The following FMR1 variants were observed in gnomAD, a reference collection of about 807,000 sequenced individuals.
The protein encoded by FMR1 is fragile X messenger ribonucleoprotein 1, also known as FMRP translational regulator 1.
FMR1 carries 13 observed loss-of-function variants against 50.6 expected under a neutral mutation model. The observed-to-expected ratio is 0.26, with a 90% CI of 0.17 to 0.41. FMR1 has a LOEUF of 0.41. Among genes scored for constraint, FMR1 ranks in the 10% least tolerant of loss-of-function variants. The probability of loss-of-function intolerance (pLI) is 1.00; values close to 1 mark genes in which losing one functional copy is unlikely to be tolerated. For synonymous variants in FMR1, 138 were observed against 164.1 expected, an observed-to-expected ratio of 0.84 and a Z score of 1.22; for missense variants, 316 against 491.3, an observed-to-expected ratio of 0.64 and a Z score of 3.37.
At position 147,912,148 on chromosome X, in the gene FMR1, G is replaced by A; in HGVS notation, c.-32G>A. 9.3e-7 allele frequency: 1 copy of A among 1,077,497 alleles called. No homozygotes were observed. Among genetic ancestry groups the A allele is most frequent in the Non-Finnish European group, 1.2e-6 (1 of 823,555 alleles). 88.8% of individuals were successfully genotyped at this position (1,077,497 alleles called of 1,213,427 possible). On this transcript the variant is annotated 5_prime_UTR_variant, in exon 1 of 17. Transcript: ENST00000370475. The stretch of plus-strand genomic sequence containing the variant: ...CGCCCGCAGCCCACCTCTCGGGGGC[G>A]GGCTCCCGGCGCTAGCAGGGCTGAA...
chrX:147,931,725 T>A lies in FMR1; in HGVS notation c.631-700T>A, dbSNP rs782683523. ...TTCGTCATCACTGGATATTTACAAG[T>A]GCTCATCATAATTGTGGATCCAGAT... On this transcript the variant is annotated intron_variant, in intron 7 of 16. Transcript: ENST00000370475. Among the ~76,000 whole-genome samples, 444 of 112,213 alleles carry A rather than the reference T, an allele frequency of 4.0e-3. 1 individual carries two copies. The highest frequency in any genetic ancestry group is 0.014 in the African/African-American group (435 of 30,953).
intron 10 of FMR1, among the ~76,000 whole-genome samples, chrX:147,937,099 C>A (rs1183700049): frequency 9.0e-6 from 1 of 111,245 alleles, no homozygotes; most frequent in Non-Finnish European, 1.9e-5. Flanking sequence ...CCCCATCCTC[C>A]TTACCTTTAA....
At chrX:147,940,530 A>G (rs200602925) in intron 12 of FMR1, 46 bp from the exon 13 acceptor site, 1 of 831,908 alleles carries the variant, frequency 1.2e-6, no homozygotes, top group African/African-American at 2.0e-5. Flanking sequence ...TTTCAGATTA[A>G]TCTATCATTA....
intron 3 of FMR1, among the ~76,000 whole-genome samples, chrX:147,926,918 A>T (rs1236173181): frequency 2.7e-5 from 3 of 111,972 alleles, no homozygotes; most frequent in African/African-American, 9.7e-5. Context: ...TTAAAGAAAA[A>T]AAAAGGGAGA....
chrX:147,924,565 G>A (rs1336730572), intron 2 of FMR1, among the ~76,000 whole-genome samples: 3 of 103,339 alleles, frequency 2.9e-5, no homozygotes, highest in African/African-American at 1.1e-4. Flanking sequence ...AGGCTGGAGT[G>A]CAGTGGCATG....
intron 1 of FMR1, among the ~76,000 whole-genome samples, chrX:147,916,296 T>G (rs782755140): frequency 1.8e-5 from 2 of 112,440 alleles, no homozygotes; most frequent in South Asian, 7.3e-4. Flanking sequence ...TTGGTCAGAG[T>G]GAAGCTAAAT....
chrX:147,949,867 A>G lies in FMR1; in HGVS notation c.*1023A>G, dbSNP rs1471476513. The G allele has an allele frequency of 3.1e-6, 1 of 325,361 alleles. No homozygotes were observed. Among genetic ancestry groups the G allele is most frequent in the Non-Finnish European group, 5.9e-6 (1 of 169,078 alleles). The allele number at this position is 325,361 out of a possible 1,213,427, so 26.8% of individuals were successfully genotyped here. On this transcript the variant is annotated 3_prime_UTR_variant, in exon 17 of 17. Transcript: ENST00000370475. ...TCAAGCTTATTTTGGAGAGATAGGA[A>G]GGTCATTTCCATGTATGCATAATAA...
At chrX:147,926,232 T>A (rs1557177528) in intron 3 of FMR1, among the ~76,000 whole-genome samples, 1 of 112,010 alleles carries the variant, frequency 8.9e-6, no homozygotes. Flanking sequence ...TCTTTCTCCA[T>A]TAGAAATTGG....
chrX:147,930,272 T>TA, intron 7 of FMR1, 28 bp downstream of exon 7: 1 of 877,639 alleles, frequency 1.1e-6, no homozygotes, highest in Non-Finnish European at 1.7e-6. Flanking sequence ...GCACTGCTTG[T>TA]AAGGGTACCT....
At position 147,932,475 on chromosome X, in the gene FMR1, A is replaced by G; in HGVS notation, c.681A>G (p.Glu227=). ...SRFHEQFIVR[E]DLMGLAIGTH... ...TTCATGAACAGTTTATCGTAAGAGA[A>G]GATCTGATGGGTCTAGCTATTGGTA... Residue 227 remains glutamate (E), a synonymous_variant, in exon 8 of 17, where the codon GAA becomes GAG. Transcript: ENST00000370475. 4 of 1,209,978 alleles carry G rather than the reference A, an allele frequency of 3.3e-6. No homozygotes were observed. The highest frequency in any genetic ancestry group is 3.4e-6 in the Non-Finnish European group (3 of 893,840).
chrX:147,941,130 GTC>G (rs1219097890), intron 13 of FMR1, among the ~76,000 whole-genome samples: 1 of 111,792 alleles, frequency 8.9e-6, no homozygotes, highest in East Asian at 2.8e-4. Flanking sequence ...AACTATTTGT[GTC>G]TTCTCATAAA....
intron 1 of FMR1, among the ~76,000 whole-genome samples, chrX:147,918,555 C>CTTTTTCTTTTTTT (rs2042992601): frequency 2.1e-5 from 1 of 47,277 alleles, no homozygotes; most frequent in African/African-American, 1.1e-4. Flanking sequence ...CCTGCAAAAG[C>CTTTTTCTTTTTTT]TTTTTTTTTT....
chrX:147,929,977 T>A lies in FMR1; in HGVS notation c.449T>A (p.Phe150Tyr). The A allele has an allele frequency of 1.7e-6, 2 of 1,207,229 alleles. No homozygotes were observed. The highest frequency in any genetic ancestry group is 2.2e-6 in the Non-Finnish European group (2 of 891,444). Residue 150 changes from phenylalanine to tyrosine, a missense_variant, in exon 6 of 17, where the codon TTT (phenylalanine) becomes TAT (tyrosine). Physicochemically the swap from Phe to Tyr is conservative, Grantham distance 22. Around this residue, in one of 4 missense-constraint regions of FMR1, gnomAD observed 124 missense variants for 238.1 expected, o/e 0.52. Transcript: ENST00000370475. ...GCCAAAGAGGCGGCACATAAGGATT[T>A]TAAAAAGGCAGTTGGTGCCTTTTCT... is the stretch of plus-strand genomic sequence containing the variant. ...MCAKEAAHKD[F>Y]KKAVGAFSVT...
At chrX:147,944,685 C>T (rs2044113993) in intron 14 of FMR1, 184 bp from the exon 15 acceptor site, 1 of 1,043,203 alleles carries the variant, frequency 9.6e-7, no homozygotes, top group African/African-American at 1.9e-5. Flanking sequence ...TCAAATATTG[C>T]AAAGCCCTTC....
intron 1 of FMR1, chrX:147,913,114 T>A (rs2124393346): frequency 7.5e-6 from 1 of 133,103 alleles, no homozygotes; most frequent in Non-Finnish European, 1.5e-5. Flanking sequence ...TAGGGCATTT[T>A]TTTTTTAACT....
chrX:147,912,321 C>A, intron 1 of FMR1, 91 bp downstream of exon 1: 1 of 890,384 alleles, frequency 1.1e-6, no homozygotes, highest in Non-Finnish European at 1.6e-6. Flanking sequence ...GGGCCCTCTT[C>A]CCGAGCACCG....
intron 13 of FMR1, 85 bp from the exon 14 acceptor site, chrX:147,943,046 A>G (rs916111127): frequency 6.5e-6 from 5 of 772,940 alleles, no homozygotes; most frequent in Non-Finnish European, 9.8e-6. Flanking sequence ...ATATTCCAGT[A>G]TATTTTTATC....
chrX:147,932,237 C>A (rs2043633185), intron 7 of FMR1, among the ~76,000 whole-genome samples, 188 bp from the exon 8 acceptor site: 1 of 111,595 alleles, frequency 9.0e-6, no homozygotes, highest in Admixed American at 9.6e-5. Flanking sequence ...ATGTCATAGA[C>A]CTTTAGTAAC....
At chrX:147,938,003 G>A (rs1480445118) in intron 11 of FMR1, 96 bp from the exon 12 acceptor site, 1 of 661,747 alleles carries the variant, frequency 1.5e-6, no homozygotes. Context: ...TTTAGAAATG[G>A]GTTTAAAAGT....
Sources: allele counts gnomAD v4.1 joint callset (sites outside exome capture counted in the v4.1 genomes callset), GRCh38; gene constraint gnomAD v4.1.1; regional missense constraint gnomAD v4.1.1; transcripts MANE v1.5; gene names NCBI Gene and HGNC (gene_info 2026-07-23, HGNC 2026-07-21).